COL20A1: variants seen among roughly 807,000 people sequenced by gnomAD.
COL20A1 encodes collagen type XX alpha 1 chain.
A neutral mutation model predicts 152.9 loss-of-function variants in COL20A1; 164 were observed. The ratio of observed to expected loss-of-function variants is 1.07; its 90% CI spans 0.94 to 1.22. COL20A1 has a LOEUF of 1.22. COL20A1 is among the 50% of genes most tolerant of loss of function. The pLI, the probability that COL20A1 is intolerant of heterozygous loss-of-function variation, is 0.00. For synonymous variants in COL20A1, 864 were observed against 756.0 expected (o/e 1.14, Z -2.34); for missense variants, 1,873 against 1,744.8 (o/e 1.07, Z -1.31).
At position 63,312,408 on chromosome 20, in the gene COL20A1, C is replaced by A; in HGVS notation, c.1804-12C>A. The A allele has an allele frequency of 1.3e-6, 2 of 1,564,290 alleles. No homozygotes were observed. The highest frequency in any genetic ancestry group is 1.9e-5 in the Admixed American group (1 of 53,954). On this transcript the variant is annotated splice_polypyrimidine_tract_variant and intron_variant, in intron 14 of 35. Coordinates refer to ENST00000358894, the MANE Select transcript of COL20A1 (RefSeq NM_020882.4). ...AGCTGGGCCTGCCATGTCGCCCTCC[C>A]ACCTGCTGCAGACAGAGGCTCCTGG...
Position 63,319,978 on chromosome 20 carries a change from G to A in COL20A1, c.2917-61G>A. The A allele has an allele frequency of 6.6e-6, 10 of 1,512,310 alleles. 1 individual carries two copies. In the South Asian group the frequency reaches 1.2e-4, roughly 18 times the overall value. The allele number at this position is 1,512,310 out of a possible 1,614,324, so 93.7% of individuals were successfully genotyped here. A position where few individuals can be genotyped will look rare whatever the true frequency, so the allele number is the denominator to read the frequency against. On this transcript the variant is annotated intron_variant, in intron 23 of 35. Coordinates refer to ENST00000358894, the MANE Select transcript of COL20A1 (RefSeq NM_020882.4). This position sits in a 1 kb window ranked among gnomAD's most constrained non-coding sequence, Gnocchi z 4.4. ...ACTCCCCAGCCCTGGCCTGGCCTTG[G>A]GGGCTCAGGTGGGCACCGGCCCCGC...
chr20:63,310,121 G>C (rs1456245984), intron 10 of COL20A1, among the ~76,000 whole-genome samples: 1 of 152,160 alleles, frequency 6.6e-6, no homozygotes, highest in African/African-American at 2.4e-5. Context: ...TGGCCGAGGA[G>C]GGCAGAGCAG....
chr20:63,305,827 C>T lies in COL20A1; in HGVS notation c.338-54C>T. ...TGAAGGGGTGTATGTGCAGCTGCCC[C>T]AGTGGACCAGGCCCTCCACTCCCAC... On this transcript the variant is annotated intron_variant, in intron 4 of 35. Transcript: ENST00000358894. The surrounding 1 kb of genome is among the most constrained non-coding windows in gnomAD (Gnocchi z 4.9). 6.5e-7 allele frequency: 1 copy of T among 1,548,590 alleles called. No individual in the cohort carries two copies. The highest frequency in any genetic ancestry group is 8.9e-7 in the Non-Finnish European group (1 of 1,123,238).
chr20:63,310,625 C>A, intron 11 of COL20A1, 115 bp downstream of exon 11: 1 of 1,143,392 alleles, frequency 8.7e-7, no homozygotes. Context: ...CTTAACCACC[C>A]ACAGTTGGCA....
Position 63,305,589 on chromosome 20 carries a change from C to G in COL20A1, c.337+29C>G. The G allele has an allele frequency of 6.4e-7, 1 of 1,566,524 alleles. No individual in the cohort carries two copies. The highest frequency in any genetic ancestry group is 8.6e-7 in the Non-Finnish European group (1 of 1,158,350). On this transcript the variant is annotated intron_variant, in intron 4 of 35. Transcript: ENST00000358894. This position sits in a 1 kb window ranked among gnomAD's most constrained non-coding sequence, Gnocchi z 4.9. ...AGTCCACCGTCTGCCAGCTGGGTAC[C>G]CACTCCTCCAGGCCGGGTCCCACCC...
intron 3 of COL20A1, among the ~76,000 whole-genome samples, chr20:63,299,096 C>T (rs772883555): frequency 4.6e-5 from 7 of 152,186 alleles, no homozygotes; most frequent in African/African-American, 1.7e-4. Flanking sequence ...GTGTAACAGC[C>T]GTCCATTTTC....
At position 63,313,265 on chromosome 20, in the gene COL20A1, C is replaced by G. The variant is rs553286155; in HGVS notation, c.2209+16C>G. 1 of 1,600,420 alleles carries G rather than the reference C, an allele frequency of 6.2e-7. No homozygotes were observed. The highest frequency in any genetic ancestry group is 1.1e-5 in the South Asian group (1 of 89,638). ...TATACCCCCTGTAGGTGCCCCTCCACTTCCCCTCTGCTGGGTGTGGGGCAG... is the reference window on the plus strand; with the variant it reads ...TATACCCCCTGTAGGTGCCCCTCCAGTTCCCCTCTGCTGGGTGTGGGGCAG... On this transcript the variant is annotated intron_variant, in intron 17 of 35. Coordinates refer to ENST00000358894, the MANE Select transcript of COL20A1 (RefSeq NM_020882.4). This position sits in a 1 kb window ranked among gnomAD's most constrained non-coding sequence, Gnocchi z 5.9.
chr20:63,306,891 C>A lies in COL20A1; in HGVS notation c.497-599C>A, dbSNP rs994809040. Among the ~76,000 whole-genome samples, 1 of 152,170 alleles carries A rather than the reference C, an allele frequency of 6.6e-6. No individual in the cohort carries two copies. Among genetic ancestry groups the A allele is most frequent in the Non-Finnish European group, 1.5e-5 (1 of 68,008 alleles). On this transcript the variant is annotated intron_variant, in intron 5 of 35. Transcript: ENST00000358894. The surrounding 1 kb of genome is among the most constrained non-coding windows in gnomAD (Gnocchi z 6.9). The stretch of plus-strand genomic sequence containing the variant: ...GCTGTCCTCCCCTCAGGGTGCTGGG[C>A]TCTGCTGGGTCCCCTGGACTTGGGC...
At position 63,295,093 on chromosome 20, in the gene COL20A1, C is replaced by A; in HGVS notation, c.-10-5C>A. 1 of 1,542,666 alleles carries A rather than the reference C, an allele frequency of 6.5e-7. No individual in the cohort carries two copies. The highest frequency in any genetic ancestry group is 8.8e-7 in the Non-Finnish European group (1 of 1,142,060). On this transcript the variant is annotated splice_region_variant and splice_polypyrimidine_tract_variant and intron_variant, in intron 1 of 35. Coordinates refer to ENST00000358894, the MANE Select transcript of COL20A1 (RefSeq NM_020882.4). ...CTGAAGGGCATGGCCTCTTCCCTGC[C>A]ACAGCCCGAGCACCATGAGCTCCGG...
chr20:63,305,697 C>A lies in COL20A1; in HGVS notation c.337+137C>A. The A allele has an allele frequency of 1.7e-6, 2 of 1,178,704 alleles. No individual in the cohort carries two copies. The highest frequency in any genetic ancestry group is 2.4e-6 in the Non-Finnish European group (2 of 846,302). The allele number at this position is 1,178,704 out of a possible 1,614,324, so 73.0% of individuals were successfully genotyped here. A position where few individuals can be genotyped will look rare whatever the true frequency, so the allele number is the denominator to read the frequency against. ...ATGTGTGAAGCAGTTCTGGGCTGTG[C>A]TAGGGGCAGGTTCAAGTCCCGACTC... On this transcript the variant is annotated intron_variant, in intron 4 of 35. Transcript: ENST00000358894. This position sits in a 1 kb window ranked among gnomAD's most constrained non-coding sequence, Gnocchi z 4.9.
At chr20:63,317,838 T>A (rs530572739) in intron 21 of COL20A1, among the ~76,000 whole-genome samples, 3 of 151,982 alleles carry the variant, frequency 2.0e-5, no homozygotes, top group African/African-American at 7.2e-5. Flanking sequence ...GCCCTCTTCC[T>A]CCATGGCCTC....
rs550903777 is a variant in COL20A1 at position 63,306,964 on chromosome 20, C to G, written c.497-526C>G. Among the ~76,000 whole-genome samples the G allele has an allele frequency of 1.3e-5, 2 of 152,322 alleles. No individual in the cohort carries two copies. The highest frequency in any genetic ancestry group is 1.3e-4 in the Admixed American group (2 of 15,314). ...CCATGCAGGCCTCAGGGCAGCTGGG[C>G]CTCTTCGGTCGCCCCACGGGGGGCT... On this transcript the variant is annotated intron_variant, in intron 5 of 35. Transcript: ENST00000358894. This position sits in a 1 kb window ranked among gnomAD's most constrained non-coding sequence, Gnocchi z 6.9.
At chr20:63,317,775 T>C (rs2068104092) in intron 21 of COL20A1, among the ~76,000 whole-genome samples, 1 of 151,228 alleles carries the variant, frequency 6.6e-6, no homozygotes, top group East Asian at 2.0e-4. Context: ...GCAGTTTCTC[T>C]TCAGGGTGGT....
chr20:63,314,239 AGCCCCAGCCGG>A, intron 19 of COL20A1, 38 bp downstream of exon 19: 1 of 1,538,294 alleles, frequency 6.5e-7, no homozygotes, highest in Non-Finnish European at 8.8e-7. Context: ...AGGTAGACCC[AGCCCCAGCCGG>A]GCCCTAGACC....
At position 63,328,774 on chromosome 20, in the gene COL20A1, G is replaced by A. The variant is rs185092086; in HGVS notation, c.3781+276G>A. Among the ~76,000 whole-genome samples the A allele has an allele frequency of 2.8e-3, 425 of 152,244 alleles. 2 individuals are homozygous for A. The highest frequency in any genetic ancestry group is 3.7e-3 in the Non-Finnish European group (253 of 67,998). The stretch of plus-strand genomic sequence containing the variant: ...AGGAAACATGAGCTGCCTGCTTAGG[G>A]CCACACAGGAGAGCCCAGCCTACCT... On this transcript the variant is annotated intron_variant, in intron 34 of 35. Coordinates refer to ENST00000358894, the MANE Select transcript of COL20A1 (RefSeq NM_020882.4).
chr20:63,330,308 G>T (rs911043), intron 35 of COL20A1, among the ~76,000 whole-genome samples: 64,871 of 151,982 alleles, frequency 0.43, 16,924 homozygotes, highest in East Asian at 0.59. Context: ...GTGGCGCAGG[G>T]TGTGTGACCT....
At chr20:63,315,097 T>C (rs1022953864) in intron 19 of COL20A1, among the ~76,000 whole-genome samples, 1 of 152,180 alleles carries the variant, frequency 6.6e-6, no homozygotes, top group African/African-American at 2.4e-5. Context: ...GGGTGACCAG[T>C]ACCCTCGAAG....
At chr20:63,327,076 TC>T (rs1203723750) in intron 31 of COL20A1, 1 of 424,648 alleles carries the variant, frequency 2.4e-6, no homozygotes, top group Non-Finnish European at 4.2e-6. Context: ...CCCAAGGACT[TC>T]CTGTCGCTCT....
chr20:63,296,907 C>T (rs981544630), intron 2 of COL20A1, among the ~76,000 whole-genome samples: 52 of 152,240 alleles, frequency 3.4e-4, no homozygotes, highest in Admixed American at 2.8e-3. Flanking sequence ...CATCTCTGTC[C>T]CCATTTTCCA....
Sources: allele counts gnomAD v4.1 joint callset (sites outside exome capture counted in the v4.1 genomes callset), GRCh38; gene constraint gnomAD v4.1.1; non-coding constraint Gnocchi (gnomAD v3.1); transcripts MANE v1.5; gene names NCBI Gene and HGNC (gene_info 2026-07-23, HGNC 2026-07-21).